The following NAF1 variants were observed in gnomAD, a reference collection of about 807,000 sequenced individuals.
The protein encoded by NAF1 is nuclear assembly factor 1 ribonucleoprotein, also known as H/ACA ribonucleoprotein complex non-core subunit NAF1.
In NAF1, 11 loss-of-function variants were observed where a neutral mutation model predicts 40.6. The ratio of observed to expected loss-of-function variants is 0.27; its 90% CI spans 0.17 to 0.45. The LOEUF is 0.45. NAF1 is among the 20% of genes least tolerant of loss of function. NAF1 has a pLI of 1.00. For missense variants in NAF1, 607 were observed against 611.1 expected, an observed-to-expected ratio of 0.99 and a Z score of 0.07; for synonymous variants, 260 against 228.5, an observed-to-expected ratio of 1.14 and a Z score of -1.24.
downstream of NAF1, chr4:163,126,865 T>C: frequency 7.1e-7 from 1 of 1,410,146 alleles, no homozygotes; most frequent in East Asian, 2.6e-5. Context: ...AGTCCAGACC[T>C]TCCAACAGCT....
intron 2 of NAF1, among the ~76,000 whole-genome samples, chr4:163,155,209 G>T (rs1731928204): frequency 6.6e-6 from 1 of 152,088 alleles, no homozygotes; most frequent in Admixed American, 6.5e-5. Flanking sequence ...CTGCTGCTTT[G>T]CTTTTTTCTA....
chr4:163,165,812 C>T, intron 1 of NAF1, among the ~76,000 whole-genome samples: 1 of 152,274 alleles, frequency 6.6e-6, no homozygotes, highest in Non-Finnish European at 1.5e-5. Flanking sequence ...ACGTAAGAAG[C>T]ATAAGATACT....
At chr4:163,126,323 G>A (rs1224738869), downstream of NAF1, among the ~76,000 whole-genome samples, 1 of 152,178 alleles carries the variant, frequency 6.6e-6, no homozygotes, top group African/African-American at 2.4e-5. Context: ...GATGATTTAT[G>A]AGGGGGGTCA....
intron 7 of NAF1, among the ~76,000 whole-genome samples, chr4:163,131,847 T>A (rs1730887434): frequency 3.3e-5 from 5 of 152,202 alleles, no homozygotes; most frequent in Admixed American, 3.3e-4. Context: ...AATATACATT[T>A]TTAAATTCTC....
At chr4:163,108,909 TGA>T (rs1730092482), downstream of NAF1, 1 of 152,132 alleles carries the variant, frequency 6.6e-6, no homozygotes, top group African/African-American at 2.4e-5. Flanking sequence ...CCTTTTCAGG[TGA>T]GTTTCTTACA....
At chr4:163,139,829 T>C (rs537712679) in intron 5 of NAF1, among the ~76,000 whole-genome samples, 7 of 152,250 alleles carry the variant, frequency 4.6e-5, no homozygotes, top group Non-Finnish European at 7.4e-5. Flanking sequence ...TTTAAAGTTT[T>C]ATTGAAGAGC....
chr4:163,141,361 T>C (rs79619496), intron 4 of NAF1, among the ~76,000 whole-genome samples: 18 of 152,064 alleles, frequency 1.2e-4, no homozygotes, highest in African/African-American at 4.3e-4. Flanking sequence ...CGAGATAATA[T>C]ATGTATATTA....
intron 4 of NAF1, chr4:163,141,956 A>G (rs777250323): frequency 1.9e-5 from 19 of 975,934 alleles, no homozygotes; most frequent in South Asian, 4.7e-5. Flanking sequence ...CATTCTGAAG[A>G]TATGTGTACT....
Position 163,148,828 on chromosome 4 carries a change from T to C in NAF1, c.541-394A>G, listed in dbSNP as rs191890634. 1.4e-3 allele frequency among the ~76,000 whole-genome samples: 208 copies of C among 152,302 alleles called. 4 individuals are homozygous for C. Among genetic ancestry groups the C allele is most frequent in the South Asian group, 5.4e-3 (26 of 4,832 alleles). ...TATAATTTCTCCACATAAGTTCTTT[T>C]AGCTGTCTTGTTAAATTGGTTAGTT... On this transcript the variant is annotated intron_variant, in intron 2 of 7. Transcript: ENST00000274054.
At position 163,133,179 on chromosome 4, in the gene NAF1, T is replaced by C. The variant is rs371326575; in HGVS notation, c.1008A>G (p.Lys336=). The C allele has an allele frequency of 6.2e-7, 1 of 1,613,692 alleles. No individual in the cohort carries two copies. The highest frequency in any genetic ancestry group is 2.2e-5 in the East Asian group (1 of 44,794). The part of the protein sequence containing the change: ...RKKSQIQGRK[K]LKSEFNEPGE... ...CAGGCTCATTAAATTCAGATTTGAGTTTTTTCCGGCCTTGAATCTGAGATT... is the reference window on the plus strand; with the variant it reads ...CAGGCTCATTAAATTCAGATTTGAGCTTTTTCCGGCCTTGAATCTGAGATT... Residue 336 remains lysine, a synonymous_variant, in exon 7 of 8, where the codon AAA becomes AAG. Transcript: ENST00000274054.
chr4:163,164,791 T>C (rs1240303696), intron 1 of NAF1, among the ~76,000 whole-genome samples: 2 of 152,218 alleles, frequency 1.3e-5, no homozygotes, highest in Admixed American at 6.5e-5. Flanking sequence ...GATCGCTTAA[T>C]TGCCAGATTG....
At chr4:163,115,199 A>ATTTTTTTTTTTTTTTTT (rs201172406) in intron 2 of NAF1, among the ~76,000 whole-genome samples, 3 of 103,708 alleles carry the variant, frequency 2.9e-5, no homozygotes, top group African/African-American at 7.8e-5. Context: ...TAGGACAATA[A>ATTTTTTTTTTTTTTTTT]TTTTTTTATT....
At chr4:163,111,909 C>A (rs993315204) in intron 2 of NAF1, among the ~76,000 whole-genome samples, 1 of 152,064 alleles carries the variant, frequency 6.6e-6, no homozygotes, top group Non-Finnish European at 1.5e-5. Context: ...ACGCAAAAAA[C>A]GTTAAGTATG....
chr4:163,116,015 T>G (rs528483674), intron 2 of NAF1, among the ~76,000 whole-genome samples: 2 of 152,326 alleles, frequency 1.3e-5, no homozygotes, highest in African/African-American at 4.8e-5. Context: ...ATTGATTTAA[T>G]AAACCAATAA....
At chr4:163,143,446 C>T (rs1398657878) in intron 4 of NAF1, among the ~76,000 whole-genome samples, 2 of 152,138 alleles carry the variant, frequency 1.3e-5, no homozygotes, top group East Asian at 1.9e-4. Context: ...GTTTCAGCGG[C>T]GTAGAAGGCC....
intron 2 of NAF1, among the ~76,000 whole-genome samples, chr4:163,111,340 T>C (rs1425893728): frequency 1.3e-5 from 2 of 152,190 alleles, no homozygotes; most frequent in Non-Finnish European, 2.9e-5. Flanking sequence ...AGCAGGTTAA[T>C]TCTTTAACCA....
chr4:163,120,738 T>G (rs1447916805), intron 2 of NAF1, among the ~76,000 whole-genome samples: 1 of 152,184 alleles, frequency 6.6e-6, no homozygotes, highest in Non-Finnish European at 1.5e-5. Flanking sequence ...TTTTCATTAT[T>G]AAGTATTTTA....
At chr4:163,154,294 CTT>C (rs1260471232) in intron 2 of NAF1, among the ~76,000 whole-genome samples, 2 of 152,206 alleles carry the variant, frequency 1.3e-5, no homozygotes, top group Non-Finnish European at 2.9e-5. Context: ...TAAGTTGCCT[CTT>C]GATAGTAACA....
At chr4:163,142,489 T>C (rs1465790782) in intron 4 of NAF1, among the ~76,000 whole-genome samples, 1 of 152,214 alleles carries the variant, frequency 6.6e-6, no homozygotes, top group Non-Finnish European at 1.5e-5. Context: ...GCAGTATGGT[T>C]TGAACTAAAA....
Sources: gnomAD v4.1 joint callset for allele counts (sites outside exome capture counted in the v4.1 genomes callset) on GRCh38, gnomAD v4.1.1 for gene constraint, MANE v1.5 for transcripts, NCBI Gene and HGNC (gene_info 2026-07-23, HGNC 2026-07-21) for gene names.